KCNMB2: variants seen among roughly 807,000 people sequenced by gnomAD.
The protein encoded by KCNMB2 is calcium-activated potassium channel subunit beta-2.
KCNMB2 carries 9 observed loss-of-function variants against 24.5 expected under a neutral mutation model. The ratio of observed to expected loss-of-function variants is 0.37; its 90% CI spans 0.22 to 0.64. The LOEUF (loss-of-function observed/expected upper bound fraction) is 0.64. KCNMB2 is among the 30% of genes least tolerant of loss of function. The pLI is 0.63. For synonymous variants in KCNMB2, 109 were observed against 104.4 expected, an observed-to-expected ratio of 1.04 and a Z score of -0.27; for missense variants, 226 against 284.3, an observed-to-expected ratio of 0.79 and a Z score of 1.47.
At chr3:178,697,823 C>A (rs1255017262) in intron 1 of KCNMB2, among the ~76,000 whole-genome samples, 1 of 152,138 alleles carries the variant, frequency 6.6e-6, no homozygotes, top group Non-Finnish European at 1.5e-5. Flanking sequence ...TCAGCATTTG[C>A]TTGTCAGAAA....
At chr3:178,818,258 ATTTGTTTG>A (rs574098322) in intron 2 of KCNMB2, among the ~76,000 whole-genome samples, 2 of 152,006 alleles carry the variant, frequency 1.3e-5, no homozygotes, top group Non-Finnish European at 2.9e-5. Flanking sequence ...ATCTAAATCT[ATTTGTTTG>A]TTTGTTTGTT....
intron 4 of KCNMB2, among the ~76,000 whole-genome samples, chr3:178,836,469 C>A (rs1278992312): frequency 6.6e-6 from 1 of 152,042 alleles, no homozygotes; most frequent in Non-Finnish European, 1.5e-5. Context: ...GATCATGGGT[C>A]CATCCCTGTG....
At chr3:178,741,394 G>A (rs530916784) in intron 1 of KCNMB2, among the ~76,000 whole-genome samples, 2 of 152,208 alleles carry the variant, frequency 1.3e-5, no homozygotes, top group South Asian at 4.2e-4. Flanking sequence ...CTCCTAGAAG[G>A]AAGGGAAAAT....
intron 1 of KCNMB2, among the ~76,000 whole-genome samples, chr3:178,697,050 C>A (rs2108335446): frequency 6.6e-6 from 1 of 152,152 alleles, no homozygotes; most frequent in Admixed American, 6.5e-5. Context: ...GAGTATGTGC[C>A]ATGTGGTAAT....
chr3:178,588,361 CA>C (rs1046197793), intron 1 of KCNMB2, among the ~76,000 whole-genome samples: 2 of 152,108 alleles, frequency 1.3e-5, no homozygotes, highest in African/African-American at 4.8e-5. Context: ...TAACAATTTT[CA>C]GGGAACTTTA....
intron 1 of KCNMB2, among the ~76,000 whole-genome samples, chr3:178,622,296 T>C (rs1010546080): frequency 3.9e-5 from 6 of 152,206 alleles, no homozygotes; most frequent in African/African-American, 7.2e-5. Context: ...TTTGAATTAA[T>C]GAATGGACAA....
chr3:178,807,590 G>GT, intron 2 of KCNMB2, 125 bp downstream of exon 2: 1 of 735,292 alleles, frequency 1.4e-6, no homozygotes. Flanking sequence ...AGACTCTACA[G>GT]TACAGGAGTA....
In KCNMB2 at chr3:178,550,221, C is replaced by T. The variant is rs183891709; in HGVS notation, c.-68+13510C>T. ...ATCCCAGCACTTTGGGAGGCCGAGG[C>T]GGGCGGATCATGAGGTCAGGAGATC... On this transcript the variant is annotated intron_variant, in intron 1 of 4. Transcript: ENST00000452583. 1.3e-3 allele frequency among the ~76,000 whole-genome samples: 198 copies of T among 151,484 alleles called. 3 individuals are homozygous for T. In the East Asian group the frequency reaches 0.014, roughly 11 times the overall value.
intron 1 of KCNMB2, among the ~76,000 whole-genome samples, chr3:178,553,646 C>A (rs935336130): frequency 6.6e-6 from 1 of 151,694 alleles, no homozygotes; most frequent in Admixed American, 6.6e-5. Context: ...AAGTGATTCT[C>A]TTGCCTCATC....
chr3:178,825,432 G>C (rs577537069), intron 2 of KCNMB2, among the ~76,000 whole-genome samples, 156 bp from the exon 3 acceptor site: 4 of 152,304 alleles, frequency 2.6e-5, no homozygotes, highest in Non-Finnish European at 4.4e-5. Context: ...ATGCATGTGT[G>C]TGCTTGTGTG....
At chr3:178,672,466 C>T (rs1204661145) in intron 1 of KCNMB2, among the ~76,000 whole-genome samples, 1 of 152,150 alleles carries the variant, frequency 6.6e-6, no homozygotes, top group Non-Finnish European at 1.5e-5. Context: ...CTTTAAGGTT[C>T]CTATGACTAA....
intron 1 of KCNMB2, among the ~76,000 whole-genome samples, chr3:178,578,861 C>T (rs1717093552): frequency 6.6e-6 from 1 of 152,120 alleles, no homozygotes; most frequent in Non-Finnish European, 1.5e-5. Context: ...CAGGAGCAAA[C>T]AGATTCATAA....
In KCNMB2 at chr3:178,679,910, C is replaced by T. The variant is rs572763634; in HGVS notation, c.-67-127433C>T. On this transcript the variant is annotated intron_variant, in intron 1 of 4. Transcript: ENST00000452583. ...TTTGAAAGAGGGTGAGTGAAAATGC[C>T]CCCATTCACAAAGTGCTCTGTCCTC... Among the ~76,000 whole-genome samples the T allele has an allele frequency of 6.6e-5, 10 of 151,876 alleles. No homozygotes were observed. The East Asian group carries it at 1.9e-3, about 29-fold the overall frequency.
chr3:178,751,653 C>T (rs184575622), intron 1 of KCNMB2, among the ~76,000 whole-genome samples: 397 of 121,438 alleles, frequency 3.3e-3, no homozygotes, highest in Middle Eastern at 0.026. Context: ...CAAATGGAAA[C>T]ATGCTGGCAG....
chr3:178,830,671 T>C (rs148847488), intron 4 of KCNMB2, among the ~76,000 whole-genome samples: 2 of 152,300 alleles, frequency 1.3e-5, no homozygotes, highest in African/African-American at 4.8e-5. Flanking sequence ...TATTTCCTCA[T>C]GATTCTGATG....
rs79796843 is a variant in KCNMB2 at position 178,717,224 on chromosome 3, TG to T, written c.-67-90117del. ...TCTAGTTTGGCCTGGGCTTTTAAAC[TG>T]GCCACCTGTTTCCAAAGTATGGACT... On this transcript the variant is annotated intron_variant, in intron 1 of 4. Coordinates refer to ENST00000452583, the MANE Select transcript of KCNMB2 (RefSeq NM_181361.3). Among the ~76,000 whole-genome samples the T allele has an allele frequency of 6.3e-4, 96 of 152,294 alleles. 2 individuals carry two copies. In the East Asian group the frequency reaches 0.017, roughly 27 times the overall value.
chr3:178,566,663 A>G (rs1382817403), intron 1 of KCNMB2, among the ~76,000 whole-genome samples: 1 of 98,014 alleles, frequency 1.0e-5, no homozygotes, highest in Non-Finnish European at 2.0e-5. Context: ...TTTTAAATCA[A>G]GCAAACATAA....
At chr3:178,692,363 T>C (rs1336115810) in intron 1 of KCNMB2, among the ~76,000 whole-genome samples, 2 of 152,238 alleles carry the variant, frequency 1.3e-5, no homozygotes, top group Non-Finnish European at 2.9e-5. Context: ...CTTCAAGGAA[T>C]TTTATAGTTT....
At chr3:178,719,419 C>T (rs1055130587) in intron 1 of KCNMB2, among the ~76,000 whole-genome samples, 1 of 152,226 alleles carries the variant, frequency 6.6e-6, no homozygotes, top group Non-Finnish European at 1.5e-5. Flanking sequence ...CTTTATAACT[C>T]ATAGGTAACA....
Sources: allele counts gnomAD v4.1 joint callset (sites outside exome capture counted in the v4.1 genomes callset), GRCh38; gene constraint gnomAD v4.1.1; transcripts MANE v1.5; gene names NCBI Gene and HGNC (gene_info 2026-07-23, HGNC 2026-07-21).